KCNIP1: variants seen among roughly 807,000 people sequenced by gnomAD.
KCNIP1 encodes the protein potassium voltage-gated channel interacting protein 1.
A neutral mutation model predicts 33.0 loss-of-function variants in KCNIP1; 18 were observed. The observed-to-expected ratio is 0.55, with a 90% CI of 0.38 to 0.81. The LOEUF (loss-of-function observed/expected upper bound fraction) is 0.81, where lower values mean the gene tolerates loss of function less well. KCNIP1 is among the 30% of genes least tolerant of loss of function. The pLI is 0.00. For missense variants in KCNIP1, 238 were observed against 271.6 expected, an observed-to-expected ratio of 0.88 and a Z score of 0.87; for synonymous variants, 93 against 98.3, an observed-to-expected ratio of 0.95 and a Z score of 0.32.
intron 1 of KCNIP1, among the ~76,000 whole-genome samples, chr5:170,678,111 T>G (rs939171981): frequency 1.3e-5 from 2 of 152,230 alleles, no homozygotes; most frequent in Non-Finnish European, 2.9e-5. Flanking sequence ...GCTGGTTACA[T>G]GTAGAGAGAT....
chr5:170,732,058 T>C (rs1383177564), intron 5 of KCNIP1, among the ~76,000 whole-genome samples: 2 of 152,152 alleles, frequency 1.3e-5, no homozygotes, highest in South Asian at 4.1e-4. Flanking sequence ...TGTACTAATT[T>C]TGTAAATTTT....
chr5:170,440,135 G>A (rs1441887288), intron 1 of KCNIP1, among the ~76,000 whole-genome samples: 1 of 152,196 alleles, frequency 6.6e-6, no homozygotes, highest in East Asian at 1.9e-4. Context: ...GTAAGACCAC[G>A]TGAAGACACG....
At chr5:170,685,991 C>T (rs1327737960) in intron 1 of KCNIP1, among the ~76,000 whole-genome samples, 1 of 152,126 alleles carries the variant, frequency 6.6e-6, no homozygotes, top group Non-Finnish European at 1.5e-5. Context: ...AACAGATTCT[C>T]CCTTTTTTAA....
intron 1 of KCNIP1, among the ~76,000 whole-genome samples, chr5:170,634,099 C>G (rs556518077): frequency 6.6e-6 from 1 of 151,758 alleles, no homozygotes; most frequent in Non-Finnish European, 1.5e-5. Flanking sequence ...ACAGAGACTC[C>G]GGAATGACTG....
intron 1 of KCNIP1, among the ~76,000 whole-genome samples, chr5:170,577,187 G>A (rs1198424677): frequency 6.6e-6 from 1 of 152,210 alleles, no homozygotes; most frequent in African/African-American, 2.4e-5. Flanking sequence ...GGTGAAAAAT[G>A]TAAACACAGA....
chr5:170,703,164 A>C (rs329469), intron 1 of KCNIP1, among the ~76,000 whole-genome samples: 37,102 of 136,566 alleles, frequency 0.27, 9,602 homozygotes, highest in East Asian at 0.67. Context: ...TTGGGACCCC[A>C]AAAAATGAAG....
chr5:170,456,693 C>T (rs58001122), intron 1 of KCNIP1, among the ~76,000 whole-genome samples: 7 of 60,694 alleles, frequency 1.2e-4, no homozygotes, highest in Admixed American at 1.8e-4. Context: ...CTTTCTCTCT[C>T]TCTCTCTTTT....
At chr5:170,378,522 G>T in intron 1 of KCNIP1, 1 of 708,786 alleles carries the variant, frequency 1.4e-6, no homozygotes, top group Non-Finnish European at 2.3e-6. Flanking sequence ...ACATTCTTGA[G>T]CAGGCAATGA....
chr5:170,676,935 C>T (rs550857315), intron 1 of KCNIP1, among the ~76,000 whole-genome samples: 4 of 152,296 alleles, frequency 2.6e-5, no homozygotes, highest in Middle Eastern at 3.4e-3. Flanking sequence ...GAAGAAAGAT[C>T]TGTGGCTGGA....
At chr5:170,401,922 A>G (rs552863230) in intron 1 of KCNIP1, among the ~76,000 whole-genome samples, 5 of 152,266 alleles carry the variant, frequency 3.3e-5, no homozygotes, top group African/African-American at 1.2e-4. Flanking sequence ...GTATTTCCTC[A>G]CAGCTCTGGA....
chr5:170,384,650 G>A (rs1764391325), intron 1 of KCNIP1, among the ~76,000 whole-genome samples: 1 of 152,246 alleles, frequency 6.6e-6, no homozygotes, highest in Admixed American at 6.5e-5. Flanking sequence ...GCACAGGTCT[G>A]AGACTTATCC....
chr5:170,388,794 G>A (rs535921739), intron 1 of KCNIP1, among the ~76,000 whole-genome samples: 3 of 152,306 alleles, frequency 2.0e-5, no homozygotes, highest in Admixed American at 6.5e-5. Flanking sequence ...GCCTCAGAGA[G>A]TTCAGCTAAA....
At chr5:170,703,109 G>A (rs1458183958) in intron 1 of KCNIP1, among the ~76,000 whole-genome samples, 2 of 137,448 alleles carry the variant, frequency 1.5e-5, no homozygotes, top group African/African-American at 2.7e-5. Flanking sequence ...TTAAGGACAC[G>A]GCTTGATTCT....
At chr5:170,451,874 C>A (rs1244059283) in intron 1 of KCNIP1, among the ~76,000 whole-genome samples, 1 of 152,062 alleles carries the variant, frequency 6.6e-6, no homozygotes, top group East Asian at 1.9e-4. Flanking sequence ...AGAATGTTAT[C>A]ACTGGATGAT....
chr5:170,554,025 C>T (rs536605881), intron 1 of KCNIP1, among the ~76,000 whole-genome samples: 1 of 152,332 alleles, frequency 6.6e-6, no homozygotes, highest in South Asian at 2.1e-4. Context: ...GCTTACATGT[C>T]CTGTCTAAGG....
At chr5:170,410,589 T>G (rs1755160794) in intron 1 of KCNIP1, among the ~76,000 whole-genome samples, 1 of 152,026 alleles carries the variant, frequency 6.6e-6, no homozygotes. Flanking sequence ...GAAAGGGAAC[T>G]GAAGTTGTTT....
At chr5:170,551,661 TGTG>T (rs1756640795) in intron 1 of KCNIP1, among the ~76,000 whole-genome samples, 1 of 151,806 alleles carries the variant, frequency 6.6e-6, no homozygotes, top group Admixed American at 6.6e-5. Flanking sequence ...CTTGAGTGAC[TGTG>T]AGTGGTTGTG....
intron 1 of KCNIP1, among the ~76,000 whole-genome samples, chr5:170,427,766 A>G (rs1267022487): frequency 2.0e-5 from 3 of 152,094 alleles, no homozygotes; most frequent in African/African-American, 4.8e-5. Context: ...CTTCGCCTTC[A>G]TCTCAAAGGA....
At chr5:170,605,565 C>A (rs1353034120) in intron 1 of KCNIP1, among the ~76,000 whole-genome samples, 1 of 152,188 alleles carries the variant, frequency 6.6e-6, no homozygotes, top group Non-Finnish European at 1.5e-5. Flanking sequence ...GCCCCGTATT[C>A]ACTAAGAAGC....
Sources: allele counts gnomAD v4.1 joint callset (sites outside exome capture counted in the v4.1 genomes callset), GRCh38; gene constraint gnomAD v4.1.1; transcripts MANE v1.5; gene names NCBI Gene and HGNC (gene_info 2026-07-23, HGNC 2026-07-21).